PARG: variants seen among roughly 807,000 people sequenced by gnomAD.
PARG encodes mitochondrial poly(ADP-ribose) glycohydrolase.
PARG carries 35 observed loss-of-function variants against 113.0 expected under a neutral mutation model. The observed-to-expected ratio is 0.31, with a 90% CI of 0.24 to 0.41. The LOEUF is 0.41. Ranked by LOEUF, PARG falls within the 10% of genes least tolerant of loss-of-function variation. The pLI is 1.00. For missense variants in PARG, 797 were observed against 1,169.4 expected (o/e 0.68, Z 4.64); for synonymous variants, 330 against 409.9 (o/e 0.81, Z 2.36).
chr10:49,860,886 T>C (rs1846214888), intron 12 of PARG, among the ~76,000 whole-genome samples: 1 of 152,300 alleles, frequency 6.6e-6, no homozygotes, highest in Non-Finnish European at 1.5e-5. Context: ...CATTAGTGAA[T>C]GTTAAAGAAG....
At chr10:49,839,780 T>C (rs1845133983) in intron 15 of PARG, among the ~76,000 whole-genome samples, 1 of 152,222 alleles carries the variant, frequency 6.6e-6, no homozygotes, top group South Asian at 2.1e-4. Flanking sequence ...AGTATACAGT[T>C]CATTCATAAA....
chr10:49,876,277 C>CCT (rs1364992765), intron 9 of PARG, among the ~76,000 whole-genome samples: 36 of 152,004 alleles, frequency 2.4e-4, no homozygotes, highest in African/African-American at 8.7e-4. Context: ...AATACAACCA[C>CCT]CTCTCCTTCT....
At chr10:49,846,759 TGTG>T (rs1845531515) in intron 13 of PARG, among the ~76,000 whole-genome samples, 1 of 152,004 alleles carries the variant, frequency 6.6e-6, no homozygotes, top group Non-Finnish European at 1.5e-5. Context: ...TGTGTGTGTG[TGTG>T]TGTGTGTGTG....
At chr10:49,819,695 T>C (rs770379804) in intron 17 of PARG, among the ~76,000 whole-genome samples, 16 of 152,152 alleles carry the variant, frequency 1.1e-4, no homozygotes, top group Non-Finnish European at 2.2e-4. Context: ...AAGAAACAAC[T>C]TCTTTGCTCA....
chr10:49,894,981 A>G (rs1348326632), intron 7 of PARG, among the ~76,000 whole-genome samples: 1 of 151,958 alleles, frequency 6.6e-6, no homozygotes, highest in African/African-American at 2.4e-5. Context: ...CATCAGTCCA[A>G]TCTCTAACTC....
At chr10:49,885,112 C>T (rs868932881) in intron 8 of PARG, 91 bp downstream of exon 8, 1 of 783,490 alleles carries the variant, frequency 1.3e-6, no homozygotes, top group Non-Finnish European at 2.3e-6. Flanking sequence ...CTGTCTCTCT[C>T]TCTCTCTCTG....
intron 7 of PARG, among the ~76,000 whole-genome samples, chr10:49,912,491 A>G (rs374862978): frequency 6.6e-6 from 1 of 150,566 alleles, no homozygotes; most frequent in East Asian, 2.0e-4. Flanking sequence ...GGTGAAACCC[A>G]GTCTCTAATA....
Position 49,941,734 on chromosome 10 carries a change from C to A in PARG, c.-9G>T. 5 of 1,564,046 alleles carry A rather than the reference C, an allele frequency of 3.2e-6. No homozygotes were observed. The highest frequency in any genetic ancestry group is 4.3e-6 in the Non-Finnish European group (5 of 1,157,854). On this transcript the variant is annotated 5_prime_UTR_variant, in exon 1 of 18. Coordinates refer to ENST00000616448, the MANE Select transcript of PARG (RefSeq NM_003631.5). ...CCGGGGCCCGCATTCATGCTGGGACCAGCAGCGCACTGTCCCCGGGCCGGC... is the reference window on the plus strand; with the variant it reads ...CCGGGGCCCGCATTCATGCTGGGACAAGCAGCGCACTGTCCCCGGGCCGGC...
intron 16 of PARG, 148 bp from the exon 17 acceptor site, chr10:49,820,441 G>T: frequency 3.4e-6 from 2 of 583,236 alleles, no homozygotes; most frequent in East Asian, 3.1e-5. Flanking sequence ...GGAACACAAG[G>T]CTGGGCGCGG....
At chr10:49,838,682 T>C (rs1468659256) in intron 15 of PARG, among the ~76,000 whole-genome samples, 1 of 152,104 alleles carries the variant, frequency 6.6e-6, no homozygotes, top group African/African-American at 2.4e-5. Context: ...AATCATTTAA[T>C]GGCAAGAATT....
intron 9 of PARG, among the ~76,000 whole-genome samples, chr10:49,874,365 T>C (rs1444369020): frequency 4.6e-5 from 7 of 152,258 alleles, no homozygotes; most frequent in Middle Eastern, 3.4e-3. Flanking sequence ...CTAATTAATA[T>C]TCCCTTCATT....
intron 7 of PARG, among the ~76,000 whole-genome samples, chr10:49,913,391 T>C (rs1194207187): frequency 6.6e-6 from 1 of 152,226 alleles, no homozygotes; most frequent in Non-Finnish European, 1.5e-5. Context: ...TTTATCAATT[T>C]GATGGAATAT....
chr10:49,828,074 A>G (rs575402172), intron 16 of PARG, among the ~76,000 whole-genome samples: 2 of 132,074 alleles, frequency 1.5e-5, no homozygotes, highest in Admixed American at 1.6e-4. Context: ...TGCTGAGACG[A>G]GATGTAGAAA....
chr10:49,906,233 T>C (rs1848583751), intron 7 of PARG, among the ~76,000 whole-genome samples: 2 of 146,430 alleles, frequency 1.4e-5, no homozygotes, highest in Non-Finnish European at 3.0e-5. Flanking sequence ...TCTGTCCACC[T>C]CAGCCTCCCA....
chr10:49,922,214 T>C (rs1837913409), intron 6 of PARG, 122 bp downstream of exon 6: 4 of 1,011,436 alleles, frequency 4.0e-6, no homozygotes, highest in Non-Finnish European at 5.8e-6. Context: ...CCTTCCTTAG[T>C]GCCAGGAAGC....
intron 6 of PARG, 122 bp downstream of exon 6, chr10:49,922,214 T>TAA (rs1837913568): frequency 9.9e-7 from 1 of 1,011,318 alleles, no homozygotes; most frequent in African/African-American, 1.6e-5. Flanking sequence ...CCTTCCTTAG[T>TAA]GCCAGGAAGC....
Position 49,941,361 on chromosome 10 carries a change from T to C in PARG, c.217+148A>G, listed in dbSNP as rs1487004509. ...GAAAAATGCGGCCCCATTCACCCAC[T>C]AGTGGCTTTGGTAGCTCAGCAAGTG... On this transcript the variant is annotated intron_variant, in intron 1 of 17. Transcript: ENST00000616448. 5.3e-6 allele frequency: 4 copies of C among 752,808 alleles called. No individual in the cohort carries two copies. The East Asian group carries it at 1.1e-4, about 20-fold the overall frequency. The allele number at this position is 752,808 out of a possible 1,614,324, so 46.6% of individuals were successfully genotyped here.
chr10:49,935,435 C>T (rs1838698715), intron 1 of PARG, among the ~76,000 whole-genome samples: 3 of 152,234 alleles, frequency 2.0e-5, no homozygotes, highest in African/African-American at 7.2e-5. Context: ...TCCTATGTTA[C>T]TCTGTGAGGG....
intron 4 of PARG, among the ~76,000 whole-genome samples, chr10:49,928,236 A>T (rs1838311582): frequency 6.6e-6 from 1 of 151,798 alleles, no homozygotes; most frequent in Non-Finnish European, 1.5e-5. Context: ...ACACCACTGC[A>T]CTCCAGTCTG....
Sources: gnomAD v4.1 joint callset for allele counts (sites outside exome capture counted in the v4.1 genomes callset) on GRCh38, gnomAD v4.1.1 for gene constraint, MANE v1.5 for transcripts, NCBI Gene and HGNC (gene_info 2026-07-23, HGNC 2026-07-21) for gene names.